PAQR8: variants seen among roughly 807,000 people sequenced by gnomAD.
PAQR8 encodes the protein progestin and adipoQ receptor family member 8.
PAQR8 carries 17 observed loss-of-function variants against 25.2 expected under a neutral mutation model. That is an observed-to-expected ratio of 0.67 (90% CI 0.46 to 1.01). The LOEUF (loss-of-function observed/expected upper bound fraction) is 1.01, where lower values mean the gene tolerates loss of function less well. Ranked by LOEUF, PAQR8 falls within the 50% of genes least tolerant of loss-of-function variation. PAQR8 has a pLI of 0.00. For synonymous variants in PAQR8, 204 were observed against 190.6 expected, an observed-to-expected ratio of 1.07 and a Z score of -0.58; for missense variants, 392 against 448.4, an observed-to-expected ratio of 0.87 and a Z score of 1.14.
At chr6:52,398,676 C>T (rs1162614524) in intron 1 of PAQR8, among the ~76,000 whole-genome samples, 3 of 152,166 alleles carry the variant, frequency 2.0e-5, no homozygotes, top group Admixed American at 6.5e-5. Flanking sequence ...GCCTCAGCCT[C>T]CCTAGTAGCT....
chr6:52,406,473 G>A lies in PAQR8; in HGVS notation c.*2195G>A. The A allele has an allele frequency of 2.4e-6, 1 of 413,470 alleles. No individual in the cohort carries two copies. The highest frequency in any genetic ancestry group is 4.4e-6 in the Non-Finnish European group (1 of 226,140). The allele number at this position is 413,470 out of a possible 1,614,324, so 25.6% of individuals were successfully genotyped here. A position where few individuals can be genotyped will look rare whatever the true frequency, so the allele number is the denominator to read the frequency against. On this transcript the variant is annotated 3_prime_UTR_variant, in exon 2 of 2. Coordinates refer to ENST00000442253, the MANE Select transcript of PAQR8 (RefSeq NM_133367.5). Reference sequence around the variant, plus strand: ...AATCTGAACATTGTTAATGGCCTGTGACATGATGAGCACAGGAACAGGCAT... The same window carrying A: ...AATCTGAACATTGTTAATGGCCTGTAACATGATGAGCACAGGAACAGGCAT...
At chr6:52,393,889 G>C (rs528999001) in intron 1 of PAQR8, among the ~76,000 whole-genome samples, 1 of 152,324 alleles carries the variant, frequency 6.6e-6, no homozygotes, top group East Asian at 1.9e-4. Context: ...TTTGAGATGG[G>C]ACATGAAGCA....
Position 52,404,830 on chromosome 6 carries a change from A to G in PAQR8, c.*552A>G, listed in dbSNP as rs878885481. On this transcript the variant is annotated 3_prime_UTR_variant, in exon 2 of 2. Coordinates refer to ENST00000442253, the MANE Select transcript of PAQR8 (RefSeq NM_133367.5). ...ATTTCTGGTCCCTCCTTTCTCGACA[A>G]CTATAATACTAACCCTTTTCTCAGG... The G allele has an allele frequency of 5.9e-6, 1 of 169,746 alleles. No homozygotes were observed. The highest frequency in any genetic ancestry group is 2.0e-4 in the South Asian group (1 of 5,046). 10.5% of individuals were successfully genotyped at this position (169,746 alleles called of 1,614,324 possible).
chr6:52,407,566 G>T lies in PAQR8; in HGVS notation c.*3288G>T, dbSNP rs961483570. 2.3e-4 allele frequency: 39 copies of T among 166,218 alleles called. No homozygotes were observed. Among genetic ancestry groups the T allele is most frequent in the African/African-American group, 9.2e-4 (38 of 41,130 alleles). The allele number at this position is 166,218 out of a possible 1,614,324, so 10.3% of individuals were successfully genotyped here. A position where few individuals can be genotyped will look rare whatever the true frequency, so the allele number is the denominator to read the frequency against. On this transcript the variant is annotated 3_prime_UTR_variant, in exon 2 of 2. Coordinates refer to ENST00000442253, the MANE Select transcript of PAQR8 (RefSeq NM_133367.5). ...TAGGTTCTTTGGTTACTGCACTGTA[G>T]TTTCAAATGGATCCTCCAGATGGCA...
intron 1 of PAQR8, among the ~76,000 whole-genome samples, chr6:52,363,216 G>A (rs2113930704): frequency 6.6e-6 from 1 of 152,170 alleles, no homozygotes; most frequent in Non-Finnish European, 1.5e-5. Flanking sequence ...GCGGGGACCT[G>A]GAGGTAGCCG....
In PAQR8 at chr6:52,403,645, C is replaced by T; in HGVS notation, c.432C>T (p.Tyr144=). Residue 144 remains tyrosine (Y), a synonymous_variant, in exon 2 of 2, where the codon TAC becomes TAT. Coordinates refer to ENST00000442253, the MANE Select transcript of PAQR8 (RefSeq NM_133367.5). ...SKSELSHYTF[Y]FVDYVGVSVY... The stretch of plus-strand genomic sequence containing the variant: ...CAGAGCTCTCCCACTACACCTTCTA[C>T]TTTGTGGACTATGTTGGCGTGAGCG... 1 of 1,614,198 alleles carries T rather than the reference C, an allele frequency of 6.2e-7. No individual in the cohort carries two copies. Among genetic ancestry groups the T allele is most frequent in the Non-Finnish European group, 8.5e-7 (1 of 1,180,048 alleles).
At chr6:52,391,082 A>G (rs1030790193) in intron 1 of PAQR8, among the ~76,000 whole-genome samples, 1 of 152,226 alleles carries the variant, frequency 6.6e-6, no homozygotes, top group East Asian at 1.9e-4. Context: ...GATTATATGC[A>G]CTTCCATACT....
intron 1 of PAQR8, among the ~76,000 whole-genome samples, chr6:52,364,423 C>T (rs1265543789): frequency 1.3e-5 from 2 of 152,092 alleles, no homozygotes; most frequent in East Asian, 1.9e-4. Flanking sequence ...TTCACTTGGA[C>T]GTAACACTTG....
At chr6:52,374,741 C>A (rs997237611) in intron 1 of PAQR8, among the ~76,000 whole-genome samples, 1 of 152,036 alleles carries the variant, frequency 6.6e-6, no homozygotes, top group African/African-American at 2.4e-5. Flanking sequence ...TTCCCCCTTA[C>A]CTGTCCTGTC....
At chr6:52,395,658 A>T (rs1444025362) in intron 1 of PAQR8, among the ~76,000 whole-genome samples, 3 of 152,256 alleles carry the variant, frequency 2.0e-5, no homozygotes, top group African/African-American at 7.2e-5. Flanking sequence ...GGTAGAAAAT[A>T]CGTGTGGATA....
chr6:52,395,272 C>CAA (rs34239055), intron 1 of PAQR8, among the ~76,000 whole-genome samples: 11,940 of 93,214 alleles, frequency 0.13, 906 homozygotes, highest in Non-Finnish European at 0.19. Context: ...GACTTCGTCT[C>CAA]AAAAAAAAAA....
intron 1 of PAQR8, among the ~76,000 whole-genome samples, chr6:52,386,182 AT>A (rs1237969080): frequency 2.7e-5 from 2 of 72,946 alleles, no homozygotes; most frequent in African/African-American, 6.0e-5. Context: ...TATTATTTAA[AT>A]TAAAAAAAAA....
intron 1 of PAQR8, among the ~76,000 whole-genome samples, chr6:52,369,949 T>C (rs1763398067): frequency 6.6e-6 from 1 of 152,134 alleles, no homozygotes; most frequent in African/African-American, 2.4e-5. Context: ...CCCAGATAGG[T>C]TCAAGAATGT....
At chr6:52,375,913 A>T (rs1379070260) in intron 1 of PAQR8, among the ~76,000 whole-genome samples, 2 of 152,360 alleles carry the variant, frequency 1.3e-5, no homozygotes, top group Admixed American at 1.3e-4. Context: ...GTGGTTTGTC[A>T]GTAAGACTAA....
At chr6:52,381,832 T>C (rs1473274801) in intron 1 of PAQR8, among the ~76,000 whole-genome samples, 2 of 152,162 alleles carry the variant, frequency 1.3e-5, no homozygotes, top group Non-Finnish European at 2.9e-5. Flanking sequence ...CAGCTGGTTG[T>C]TGAGCTCAGG....
At chr6:52,394,468 A>G (rs1763744363) in intron 1 of PAQR8, among the ~76,000 whole-genome samples, 3 of 152,356 alleles carry the variant, frequency 2.0e-5, no homozygotes, top group East Asian at 3.9e-4. Context: ...TGAAAGTGAT[A>G]CACATTCAAT....
intron 1 of PAQR8, among the ~76,000 whole-genome samples, chr6:52,381,664 A>G (rs953085199): frequency 1.8e-4 from 28 of 152,230 alleles, no homozygotes; most frequent in African/African-American, 6.8e-4. Flanking sequence ...TTTTGTTAAC[A>G]TTCTTATCCA....
intron 1 of PAQR8, among the ~76,000 whole-genome samples, chr6:52,388,487 C>T (rs191340956): frequency 6.6e-6 from 1 of 152,302 alleles, no homozygotes; most frequent in Admixed American, 6.5e-5. Flanking sequence ...AAATTGGTCC[C>T]TGGTGCTGAA....
At position 52,403,579 on chromosome 6, in the gene PAQR8, C is replaced by A; in HGVS notation, c.366C>A (p.Tyr122Ter). The change falls in exon 2 of 2, where the codon TAC becomes TAA. Residue 122 changes from tyrosine to a stop codon, truncating the protein, a stop_gained. Coordinates refer to ENST00000442253, the MANE Select transcript of PAQR8 (RefSeq NM_133367.5). LOFTEE classifies it high-confidence loss of function. ...TCTTCATCCTGTCGTCAATCACTTACCTCACCTGCAGCCTTCTGGCCCACC... is the reference window on the plus strand; with the variant it reads ...TCTTCATCCTGTCGTCAATCACTTAACTCACCTGCAGCCTTCTGGCCCACC... ...LLLFILSSIT[Y>*]LTCSLLAHLL... 1 of 1,614,138 alleles carries A rather than the reference C, an allele frequency of 6.2e-7. No homozygotes were observed. Among genetic ancestry groups the A allele is most frequent in the Non-Finnish European group, 8.5e-7 (1 of 1,180,046 alleles).
Sources: gnomAD v4.1 joint callset for allele counts (sites outside exome capture counted in the v4.1 genomes callset) on GRCh38, gnomAD v4.1.1 for gene constraint, MANE v1.5 for transcripts, NCBI Gene and HGNC (gene_info 2026-07-23, HGNC 2026-07-21) for gene names.